Variants in CCDC12 observed in about 807,000 individuals in gnomAD.
CCDC12 encodes the protein coiled-coil domain containing 12.
Under a neutral mutation model 25.7 loss-of-function variants are expected in CCDC12, and 28 were observed. The ratio of observed to expected loss-of-function variants is 1.09; its 90% CI spans 0.81 to 1.50. The LOEUF is 1.50. Among genes scored for constraint, CCDC12 ranks in the 40% most tolerant of loss-of-function variants. The pLI is 0.00. For missense variants in CCDC12, 198 were observed against 210.0 expected, an observed-to-expected ratio of 0.94 and a Z score of 0.35; for synonymous variants, 75 against 87.7, an observed-to-expected ratio of 0.86 and a Z score of 0.81.
At chr3:46,971,183 C>T (rs921654631) in intron 1 of CCDC12, among the ~76,000 whole-genome samples, 3 of 152,260 alleles carry the variant, frequency 2.0e-5, no homozygotes, top group Admixed American at 6.5e-5. Context: ...CCCCATCCTC[C>T]GTGGCTCAGC....
chr3:46,969,147 C>T (rs920575606), intron 1 of CCDC12, among the ~76,000 whole-genome samples: 4 of 152,188 alleles, frequency 2.6e-5, no homozygotes, highest in Admixed American at 6.5e-5. Context: ...GCCTCTCACC[C>T]ACTGCCTCTG....
At chr3:46,978,754 C>T (rs926688806), upstream of CCDC12, among the ~76,000 whole-genome samples, 44 of 152,042 alleles carry the variant, frequency 2.9e-4, no homozygotes, top group African/African-American at 1.1e-3. Flanking sequence ...GAGGTCGAGG[C>T]GGGTGGATCA....
intron 1 of CCDC12, among the ~76,000 whole-genome samples, chr3:46,942,284 C>T (rs951249531): frequency 6.6e-6 from 1 of 152,236 alleles, no homozygotes; most frequent in Admixed American, 6.5e-5. Flanking sequence ...GACTGAGAGG[C>T]CCCAAGACAG....
chr3:46,921,959 G>T lies in CCDC12; in HGVS notation c.*98C>A. 7.5e-7 allele frequency: 1 copy of T among 1,330,824 alleles called. No individual in the cohort carries two copies. The highest frequency in any genetic ancestry group is 1.1e-6 in the Non-Finnish European group (1 of 943,120). The allele number at this position is 1,330,824 out of a possible 1,614,324, so 82.4% of individuals were successfully genotyped here. On this transcript the variant is annotated 3_prime_UTR_variant, in exon 7 of 7. Transcript: ENST00000683445. ...ATGGGCAGGGAGTCTCTGCTCAGAAGCCAAACTGGAGGTGATGGCAAGCCT... is the reference window on the plus strand; with the variant it reads ...ATGGGCAGGGAGTCTCTGCTCAGAATCCAAACTGGAGGTGATGGCAAGCCT...
chr3:46,943,401 G>A (rs559952416), intron 1 of CCDC12, among the ~76,000 whole-genome samples: 2 of 152,296 alleles, frequency 1.3e-5, no homozygotes, highest in East Asian at 1.9e-4. Context: ...GGGAAGGAGC[G>A]GCAGACACCT....
chr3:46,970,237 A>G (rs887304191), intron 1 of CCDC12, among the ~76,000 whole-genome samples: 1 of 151,786 alleles, frequency 6.6e-6, no homozygotes, highest in Non-Finnish European at 1.5e-5. Context: ...ATGCAGCCCA[A>G]CACAAATTCG....
chr3:46,943,784 C>T (rs2033805356), intron 1 of CCDC12, among the ~76,000 whole-genome samples: 1 of 152,242 alleles, frequency 6.6e-6, no homozygotes, highest in South Asian at 2.1e-4. Flanking sequence ...AGCACTAGCT[C>T]TGCAGACAGC....
intron 1 of CCDC12, 147 bp from the exon 2 acceptor site, chr3:46,941,212 G>A (rs1430768574): frequency 1.4e-5 from 10 of 718,004 alleles, no homozygotes; most frequent in South Asian, 3.1e-5. Context: ...CAGGGTACAC[G>A]CCTGCTGCAT....
intron 1 of CCDC12, among the ~76,000 whole-genome samples, chr3:46,975,526 C>CTTTTTT (rs3028814): frequency 1.1e-4 from 9 of 82,556 alleles, no homozygotes; most frequent in Admixed American, 3.2e-4. Context: ...TAAATCTTTT[C>CTTTTTT]TTTTTTTTTT....
At chr3:46,978,976 C>G (rs1034209121), upstream of CCDC12, among the ~76,000 whole-genome samples, 3 of 152,112 alleles carry the variant, frequency 2.0e-5, no homozygotes, top group African/African-American at 7.2e-5. Flanking sequence ...GAGTGAGACT[C>G]TGTCTCAAAA....
chr3:46,923,886 A>C, intron 3 of CCDC12: 1 of 405,032 alleles, frequency 2.5e-6, no homozygotes, highest in East Asian at 3.6e-5. Context: ...CAGGCCAAGA[A>C]TGGGACAGCA....
intron 1 of CCDC12, among the ~76,000 whole-genome samples, chr3:46,944,646 A>C (rs1341268920): frequency 6.6e-6 from 1 of 151,316 alleles, no homozygotes; most frequent in Non-Finnish European, 1.5e-5. Flanking sequence ...TCCCCACCAC[A>C]ACCAAGCCCC....
At chr3:46,960,569 A>C (rs2034433640) in intron 1 of CCDC12, among the ~76,000 whole-genome samples, 1 of 152,258 alleles carries the variant, frequency 6.6e-6, no homozygotes, top group African/African-American at 2.4e-5. Flanking sequence ...GAATCAAAAC[A>C]GCCCAGGAGT....
chr3:46,964,962 AAAAT>A, intron 1 of CCDC12, among the ~76,000 whole-genome samples: 1 of 151,942 alleles, frequency 6.6e-6, no homozygotes, highest in South Asian at 2.1e-4. Flanking sequence ...AAAATAAAAT[AAAAT>A]AAATAAAATA....
chr3:46,977,711 C>G (rs2035039052), upstream of CCDC12, among the ~76,000 whole-genome samples: 1 of 152,166 alleles, frequency 6.6e-6, no homozygotes, highest in South Asian at 2.1e-4. Context: ...CCCATCCCCT[C>G]CTGGAGCAGC....
chr3:46,938,817 A>G (rs1176349936), intron 2 of CCDC12, among the ~76,000 whole-genome samples: 2 of 151,386 alleles, frequency 1.3e-5, no homozygotes, highest in African/African-American at 4.9e-5. Flanking sequence ...GCGCCACTGC[A>G]CTCCAGCCTG....
chr3:46,960,358 GGGCCCA>G (rs1352390249), intron 1 of CCDC12, among the ~76,000 whole-genome samples: 5 of 152,184 alleles, frequency 3.3e-5, no homozygotes, highest in Non-Finnish European at 5.9e-5. Flanking sequence ...ATGGACTCCT[GGGCCCA>G]GGACAGGAAA....
At position 46,923,673 on chromosome 3, in the gene CCDC12, AG is replaced by A. The variant is rs766842522; in HGVS notation, c.245-6del. Reference sequence around the variant, plus strand: ...GCTCCTTCACCTTCTCCTCCACTAGAGGGTGCAATTAAACAGAGAAGGCCTG... The same window carrying A: ...GCTCCTTCACCTTCTCCTCCACTAGAGGTGCAATTAAACAGAGAAGGCCTG... On this transcript the variant is annotated splice_polypyrimidine_tract_variant and splice_region_variant and intron_variant, in intron 3 of 6. Coordinates refer to ENST00000683445, the MANE Select transcript of CCDC12 (RefSeq NM_001277074.2). 6.5e-7 allele frequency: 1 copy of A among 1,538,302 alleles called. No homozygotes were observed. The highest frequency in any genetic ancestry group is 8.8e-7 in the Non-Finnish European group (1 of 1,142,558).
chr3:46,971,547 A>C (rs1245824062), intron 1 of CCDC12, among the ~76,000 whole-genome samples: 1 of 152,246 alleles, frequency 6.6e-6, no homozygotes, highest in Non-Finnish European at 1.5e-5. Flanking sequence ...GCGCAGAATA[A>C]TACACGGAAA....
Sources: allele counts gnomAD v4.1 joint callset (sites outside exome capture counted in the v4.1 genomes callset), GRCh38; gene constraint gnomAD v4.1.1; transcripts MANE v1.5; gene names NCBI Gene and HGNC (gene_info 2026-07-23, HGNC 2026-07-21).